The following PDC variants were observed in gnomAD, a reference collection of about 807,000 sequenced individuals.
PDC encodes phosducin.
PDC carries 19 observed loss-of-function variants against 22.2 expected under a neutral mutation model. That is an observed-to-expected ratio of 0.86 (90% CI 0.60 to 1.26). The LOEUF is 1.26. PDC is among the 50% of genes most tolerant of loss of function. The pLI is 0.00. For synonymous variants in PDC, 97 were observed against 96.2 expected (o/e 1.01, Z -0.05); for missense variants, 274 against 286.8 (o/e 0.96, Z 0.32).
chr1:186,445,231 T>C (rs1662199108), intron 3 of PDC, among the ~76,000 whole-genome samples: 1 of 152,140 alleles, frequency 6.6e-6, no homozygotes, highest in African/African-American at 2.4e-5. Flanking sequence ...TTAATAGATG[T>C]GGAGCAGCTC....
At chr1:186,447,895 G>A (rs1662269456) in intron 2 of PDC, among the ~76,000 whole-genome samples, 1 of 152,082 alleles carries the variant, frequency 6.6e-6, no homozygotes, top group Admixed American at 6.5e-5. Flanking sequence ...TCTACAGATG[G>A]TGGTGTATTA....
At chr1:186,450,268 G>A (rs912258924) in intron 1 of PDC, among the ~76,000 whole-genome samples, 2 of 152,026 alleles carry the variant, frequency 1.3e-5, no homozygotes, top group Non-Finnish European at 2.9e-5. Flanking sequence ...CATGGGACAA[G>A]TTTTCATGAC....
intron 3 of PDC, among the ~76,000 whole-genome samples, chr1:186,445,354 A>G (rs1282094786): frequency 6.6e-6 from 1 of 152,234 alleles, no homozygotes; most frequent in Non-Finnish European, 1.5e-5. Flanking sequence ...TAATCCTTAC[A>G]GATAACCTCT....
At chr1:186,449,569 C>A (rs1224429209) in intron 1 of PDC, 86 bp from the exon 2 acceptor site, 1 of 608,034 alleles carries the variant, frequency 1.6e-6, no homozygotes, top group East Asian at 2.8e-5. Flanking sequence ...TAGGTACATG[C>A]ATATTTATAG....
In PDC at chr1:186,449,469, T is replaced by C. The variant is rs1211517974; in HGVS notation, c.-10A>G. On this transcript the variant is annotated 5_prime_UTR_variant, in exon 2 of 4. Transcript: ENST00000391997. ...TTTTGGCTTCTTCCATTTTAGGGACTGGATTTGATATAATCTATAGGAGGA... is the reference window on the plus strand; with the variant it reads ...TTTTGGCTTCTTCCATTTTAGGGACCGGATTTGATATAATCTATAGGAGGA... The C allele has an allele frequency of 3.8e-6, 6 of 1,564,222 alleles. No homozygotes were observed. In the African/African-American group the frequency reaches 4.1e-5, roughly 11 times the overall value.
rs753499101 is a variant in PDC, at chr1:186,444,398, CA to C, written c.321del (p.Phe107LeufsTer18). On this transcript the variant is annotated frameshift_variant, in exon 4 of 4. Transcript: ENST00000391997. LOFTEE classifies it high-confidence loss of function. ...CMQDMHQKLSFGPRYGFVYEL... is the reference protein window; with the variant it reads ...CMQDMHQKLSXGPRYGFVYEL... ...TCATACACAAACCCATATCTAGGCC[CA>C]AAACTCAGCTTCTGGTGCATATCCT... The C allele has an allele frequency of 4.3e-6, 7 of 1,613,858 alleles. No homozygotes were observed. Among genetic ancestry groups the C allele is most frequent in the East Asian group, 2.2e-5 (1 of 44,880 alleles).
intron 2 of PDC, chr1:186,448,768 T>A: frequency 3.0e-6 from 1 of 334,192 alleles, no homozygotes; most frequent in Non-Finnish European, 4.3e-6. Context: ...TGGCTAAATT[T>A]AATGGCTCAA....
intron 1 of PDC, among the ~76,000 whole-genome samples, chr1:186,453,555 CTAATCA>C (rs1662395066): frequency 6.6e-6 from 1 of 152,152 alleles, no homozygotes; most frequent in Non-Finnish European, 1.5e-5. Flanking sequence ...TTGGGATTAT[CTAATCA>C]CTGTATGATA....
At position 186,443,981 on chromosome 1, in the gene PDC, A is replaced by G. The variant is rs372257267; in HGVS notation, c.739T>C (p.Ter247ArgextTer16). 7.6e-5 allele frequency: 122 copies of G among 1,596,834 alleles called. No homozygotes were observed. Among genetic ancestry groups the G allele is most frequent in the Non-Finnish European group, 1.0e-4 (117 of 1,166,930 alleles). ...HTKIEEEDVE[*>R] ...TGAGATATTGACATAGTGAATCTTC[A>G]TTCAACATCTTCTTCTTCTATTTTG... Residue 247 changes from the stop codon to arginine (R), a stop_lost, in exon 4 of 4, where the codon TGA becomes CGA. Transcript: ENST00000391997.
chr1:186,445,708 C>T (rs543060782), intron 3 of PDC, among the ~76,000 whole-genome samples: 2 of 152,194 alleles, frequency 1.3e-5, no homozygotes, highest in East Asian at 1.9e-4. Flanking sequence ...GCAGGAGAAT[C>T]GCTTGAACCC....
intron 1 of PDC, among the ~76,000 whole-genome samples, chr1:186,459,752 G>GTGTATATATATATA (rs1299957095): frequency 2.1e-4 from 23 of 112,100 alleles, no homozygotes; most frequent in Non-Finnish European, 2.5e-4. Context: ...GTGTGTGTGT[G>GTGTATATATATATA]TATATATATA....
intron 2 of PDC, chr1:186,448,722 T>C: frequency 1.1e-6 from 1 of 912,484 alleles, no homozygotes; most frequent in Non-Finnish European, 1.3e-6. Context: ...TCTCCACACA[T>C]TTTGGCTGGT....
intron 2 of PDC, among the ~76,000 whole-genome samples, chr1:186,448,199 A>G (rs1230527450): frequency 6.6e-6 from 1 of 152,186 alleles, no homozygotes; most frequent in Non-Finnish European, 1.5e-5. Context: ...CATATACATT[A>G]CTAATTTTGA....
Position 186,449,472 on chromosome 1 carries a change from A to G in PDC, c.-13T>C. 6.5e-7 allele frequency: 1 copy of G among 1,544,948 alleles called. No homozygotes were observed. Among genetic ancestry groups the G allele is most frequent in the Admixed American group, 1.7e-5 (1 of 59,846 alleles). On this transcript the variant is annotated 5_prime_UTR_variant, in exon 2 of 4. Coordinates refer to ENST00000391997, the MANE Select transcript of PDC (RefSeq NM_002597.5). ...TGGCTTCTTCCATTTTAGGGACTGGATTTGATATAATCTATAGGAGGAACA... is the reference window on the plus strand; with the variant it reads ...TGGCTTCTTCCATTTTAGGGACTGGGTTTGATATAATCTATAGGAGGAACA...
chr1:186,444,261 A>G lies in PDC; in HGVS notation c.459T>C (p.Ser153=), dbSNP rs1662171911. 1 of 1,613,888 alleles carries G rather than the reference A, an allele frequency of 6.2e-7. No individual in the cohort carries two copies. The highest frequency in any genetic ancestry group is 1.1e-5 in the South Asian group (1 of 91,086). ...DGIKGCDALN[S]SLTCLAAEYP... The stretch of plus-strand genomic sequence containing the variant: ...ATTCTGCTGCAAGGCATGTTAAACT[A>G]CTGTTTAGAGCATCACAACCCTTAA... The change falls in exon 4 of 4, where the codon AGT becomes AGC. Residue 153 remains serine (S), a synonymous_variant. Coordinates refer to ENST00000391997, the MANE Select transcript of PDC (RefSeq NM_002597.5).
chr1:186,446,325 T>C, intron 3 of PDC, 101 bp downstream of exon 3: 4 of 890,276 alleles, frequency 4.5e-6, no homozygotes, highest in Non-Finnish European at 6.5e-6. Context: ...AGCAATATTG[T>C]AATGAATATA....
At chr1:186,454,219 G>C (rs113229451) in intron 1 of PDC, among the ~76,000 whole-genome samples, 1,444 of 142,544 alleles carry the variant, frequency 0.01, 8 homozygotes, top group Non-Finnish European at 0.015. Flanking sequence ...CGTAGCCCAG[G>C]CTGGAGTACA....
chr1:186,452,984 G>A (rs750743224), intron 1 of PDC, among the ~76,000 whole-genome samples: 7 of 152,112 alleles, frequency 4.6e-5, no homozygotes, highest in Non-Finnish European at 1.0e-4. Flanking sequence ...AGTAAAAATT[G>A]TATATGGATC....
intron 2 of PDC, among the ~76,000 whole-genome samples, chr1:186,446,819 A>G (rs1303371970): frequency 6.6e-6 from 1 of 152,212 alleles, no homozygotes; most frequent in Non-Finnish European, 1.5e-5. Flanking sequence ...ATGAAAATAT[A>G]AATTATGCAC....
Sources: allele counts gnomAD v4.1 joint callset (sites outside exome capture counted in the v4.1 genomes callset), GRCh38; gene constraint gnomAD v4.1.1; transcripts MANE v1.5; gene names NCBI Gene and HGNC (gene_info 2026-07-23, HGNC 2026-07-21).